CWH43: variants seen among roughly 807,000 people sequenced by gnomAD.
CWH43 encodes the protein PGAP2-interacting protein.
A neutral mutation model predicts 85.7 loss-of-function variants in CWH43; 91 were observed. The ratio of observed to expected loss-of-function variants is 1.06; its 90% CI spans 0.90 to 1.26. The LOEUF (loss-of-function observed/expected upper bound fraction) is 1.26. Ranked by LOEUF, CWH43 falls within the 50% of genes most tolerant of loss-of-function variation. The pLI is 0.00. For synonymous variants in CWH43, 323 were observed against 293.6 expected, an observed-to-expected ratio of 1.10 and a Z score of -1.02; for missense variants, 869 against 839.2, an observed-to-expected ratio of 1.04 and a Z score of -0.44.
intron 8 of CWH43, chr4:49,017,024 T>C (rs949353529): frequency 2.6e-6 from 2 of 763,454 alleles, no homozygotes; most frequent in African/African-American, 3.4e-5. Context: ...TATAGGCAGT[T>C]GGGGGAGAGC....
At chr4:49,008,860 C>A (rs1445403621) in intron 8 of CWH43, among the ~76,000 whole-genome samples, 1 of 152,136 alleles carries the variant, frequency 6.6e-6, no homozygotes, top group Non-Finnish European at 1.5e-5. Context: ...GAGTACCATG[C>A]TGTTTTGGTT....
At chr4:49,023,879 ATTGTTTAAGTGTT>A (rs1408028045) in intron 9 of CWH43, among the ~76,000 whole-genome samples, 2 of 152,098 alleles carry the variant, frequency 1.3e-5, no homozygotes, top group Non-Finnish European at 1.5e-5. Context: ...GTTCTAGGGT[ATTGTTTAAGTGTT>A]TCTTTGTTGA....
intron 12 of CWH43, among the ~76,000 whole-genome samples, chr4:49,037,432 T>A (rs1185147967): frequency 2.6e-5 from 4 of 152,124 alleles, no homozygotes; most frequent in Admixed American, 2.6e-4. Flanking sequence ...AAGTTGGGCA[T>A]GGTAGTGTGC....
At chr4:49,041,571 T>C (rs1158592756) in intron 13 of CWH43, among the ~76,000 whole-genome samples, 1 of 152,210 alleles carries the variant, frequency 6.6e-6, no homozygotes, top group African/African-American at 2.4e-5. Context: ...ATAAGAATGC[T>C]TGTGGTTTTT....
At chr4:49,017,812 G>A (rs2109785236) in intron 9 of CWH43, among the ~76,000 whole-genome samples, 1 of 151,996 alleles carries the variant, frequency 6.6e-6, no homozygotes, top group South Asian at 2.1e-4. Flanking sequence ...GCAGGAACAA[G>A]AGAGAGAGGG....
At chr4:49,020,384 T>TACACACAC (rs35489918) in intron 9 of CWH43, among the ~76,000 whole-genome samples, 76 of 120,168 alleles carry the variant, frequency 6.3e-4, no homozygotes, top group African/African-American at 1.8e-3. Context: ...AGTATTCCAT[T>TACACACAC]ACACACACAC....
chr4:49,002,529 G>C (rs1783023163), intron 6 of CWH43, among the ~76,000 whole-genome samples: 2 of 152,160 alleles, frequency 1.3e-5, no homozygotes, highest in Admixed American at 6.6e-5. Context: ...AATATTGGCT[G>C]TGGTTATCTC....
intron 6 of CWH43, among the ~76,000 whole-genome samples, chr4:49,000,642 G>A (rs1459398539): frequency 3.3e-5 from 5 of 152,170 alleles, no homozygotes; most frequent in African/African-American, 1.2e-4. Flanking sequence ...TATAAGCAAA[G>A]TGCTTATTGG....
At chr4:49,035,606 A>G (rs1784239889) in intron 12 of CWH43, among the ~76,000 whole-genome samples, 2 of 152,176 alleles carry the variant, frequency 1.3e-5, no homozygotes, top group Non-Finnish European at 2.9e-5. Context: ...TCTCTTTTCC[A>G]GCTTACTTTA....
chr4:49,045,126 A>G (rs1784585114), intron 14 of CWH43, among the ~76,000 whole-genome samples: 1 of 152,182 alleles, frequency 6.6e-6, no homozygotes. Flanking sequence ...GTAGCTGTCA[A>G]CACATGGGAG....
chr4:48,986,704 G>C (rs1454736278), intron 1 of CWH43: 2 of 1,352,676 alleles, frequency 1.5e-6, no homozygotes, highest in African/African-American at 1.5e-5. Context: ...GAGAGACCCC[G>C]TCGCCCGAGT....
chr4:48,991,957 C>T lies in CWH43; in HGVS notation c.378C>T (p.Phe126=). 1.2e-6 allele frequency: 2 copies of T among 1,612,272 alleles called. No individual in the cohort carries two copies. Among genetic ancestry groups the T allele is most frequent in the Non-Finnish European group, 1.7e-6 (2 of 1,178,992 alleles). ...HLQRYLRIWG[F]ILGQIVLVVL... ...ACAGGTACCTCAGAATTTGGGGATT[C>T]ATTTTAGGACAGATTGTTCTTGTTG... The change falls in exon 4 of 16, where the codon TTC becomes TTT. Residue 126 remains phenylalanine, a synonymous_variant. Transcript: ENST00000226432.
intron 7 of CWH43, among the ~76,000 whole-genome samples, chr4:49,004,758 A>C (rs1430245747): frequency 6.6e-6 from 1 of 152,182 alleles, no homozygotes; most frequent in Non-Finnish European, 1.5e-5. Context: ...GTAAATCTCC[A>C]AGTCATAGAA....
chr4:49,006,198 T>C (rs140189768), intron 7 of CWH43, among the ~76,000 whole-genome samples: 15 of 152,304 alleles, frequency 9.8e-5, no homozygotes, highest in Admixed American at 2.0e-4. Context: ...AAAAAACAAA[T>C]GAAAGTAAGA....
chr4:49,016,543 G>C (rs1452074265), intron 8 of CWH43: 4 of 667,070 alleles, frequency 6.0e-6, no homozygotes, highest in Non-Finnish European at 1.1e-5. Context: ...GCGGAGAAGG[G>C]ATTGGCCTGG....
intron 15 of CWH43, among the ~76,000 whole-genome samples, chr4:49,057,592 G>T (rs966031727): frequency 6.6e-6 from 1 of 152,136 alleles, no homozygotes; most frequent in Non-Finnish European, 1.5e-5. Flanking sequence ...ATACTCTGCG[G>T]CTGTTGGGTG....
chr4:49,041,142 T>C (rs575228851), intron 13 of CWH43, among the ~76,000 whole-genome samples: 208 of 152,358 alleles, frequency 1.4e-3, no homozygotes, highest in African/African-American at 4.9e-3. Flanking sequence ...TTTTGGTTAC[T>C]GTAGCCTTGT....
At chr4:49,047,648 A>C (rs1784668041) in intron 14 of CWH43, among the ~76,000 whole-genome samples, 1 of 152,050 alleles carries the variant, frequency 6.6e-6, no homozygotes, top group African/African-American at 2.4e-5. Flanking sequence ...GTTTGAGGAA[A>C]AGTGAGGTTA....
chr4:49,015,375 T>C (rs1378470077), intron 8 of CWH43, among the ~76,000 whole-genome samples: 2 of 152,142 alleles, frequency 1.3e-5, no homozygotes, highest in Admixed American at 1.3e-4. Context: ...ACATTGAAGA[T>C]ATTATTCTCC....
Sources: allele counts gnomAD v4.1 joint callset (sites outside exome capture counted in the v4.1 genomes callset), GRCh38; gene constraint gnomAD v4.1.1; transcripts MANE v1.5; gene names NCBI Gene and HGNC (gene_info 2026-07-23, HGNC 2026-07-21).